PTPN13: variants seen among roughly 807,000 people sequenced by gnomAD.
The protein encoded by PTPN13 is protein tyrosine phosphatase non-receptor type 13, also known as tyrosine-protein phosphatase non-receptor type 13.
Under a neutral mutation model 284.0 loss-of-function variants are expected in PTPN13, and 191 were observed. That is an observed-to-expected ratio of 0.67 (90% CI 0.60 to 0.76). The LOEUF (loss-of-function observed/expected upper bound fraction) is 0.76, where lower values mean the gene tolerates loss of function less well. Among genes scored for constraint, PTPN13 ranks in the 30% least tolerant of loss-of-function variants. PTPN13 has a pLI of 0.00. For missense variants in PTPN13, 2,797 were observed against 2,939.9 expected, an observed-to-expected ratio of 0.95 and a Z score of 1.12; for synonymous variants, 986 against 1,022.3, an observed-to-expected ratio of 0.96 and a Z score of 0.68.
chr4:86,595,719 C>T (rs192582120), intron 1 of PTPN13: 3 of 985,568 alleles, frequency 3.0e-6, no homozygotes, highest in East Asian at 1.1e-4. Flanking sequence ...ATGGGGCAAT[C>T]GGGTTTGTTT....
At chr4:86,699,386 C>T (rs570907055) in intron 6 of PTPN13, among the ~76,000 whole-genome samples, 1 of 151,562 alleles carries the variant, frequency 6.6e-6, no homozygotes, top group Non-Finnish European at 1.5e-5. Flanking sequence ...ACTCTATCCC[C>T]CCTCCAAAAA....
chr4:86,681,642 T>C (rs1057182936), intron 3 of PTPN13, among the ~76,000 whole-genome samples: 3 of 152,140 alleles, frequency 2.0e-5, no homozygotes, highest in Non-Finnish European at 2.9e-5. Context: ...ATGTATATAA[T>C]GTAGGCCGGG....
At chr4:86,749,669 G>C (rs771655308) in intron 17 of PTPN13, among the ~76,000 whole-genome samples, 2 of 152,132 alleles carry the variant, frequency 1.3e-5, no homozygotes, top group Non-Finnish European at 2.9e-5. Flanking sequence ...GCCTCTATAA[G>C]AGAACTTTGG....
Position 86,623,232 on chromosome 4 carries a change from A to G in PTPN13, c.-5-12020A>G, listed in dbSNP as rs149799957. Among the ~76,000 whole-genome samples the G allele has an allele frequency of 1.6e-4, 25 of 152,256 alleles. 1 individual carries two copies. In the East Asian group the frequency reaches 4.8e-3, roughly 29 times the overall value. ...GGTATGCAGTTCTGATGTCCAAGGC[A>G]GTGGAAGAAAAGTTTGTTCCAGTTC... On this transcript the variant is annotated intron_variant, in intron 1 of 47. Coordinates refer to ENST00000411767, the MANE Select transcript of PTPN13 (RefSeq NM_080683.3).
intron 2 of PTPN13, among the ~76,000 whole-genome samples, chr4:86,652,935 A>G (rs1383166264): frequency 6.7e-6 from 1 of 150,312 alleles, no homozygotes; most frequent in Non-Finnish European, 1.5e-5. Context: ...ATTCTTTTTT[A>G]TTCTTTCTTA....
Position 86,755,195 on chromosome 4 carries a change from C to T in PTPN13, c.3223+2130C>T, listed in dbSNP as rs150474953. Among the ~76,000 whole-genome samples the T allele has an allele frequency of 1.6e-4, 25 of 151,958 alleles. No individual in the cohort carries two copies. In the South Asian group the frequency reaches 4.2e-3, roughly 25 times the overall value. ...AGAACAAGGATGAATGTATTATATTCGCTCTTACCTTTTATGGCCTCCAGA... is the reference window on the plus strand; with the variant it reads ...AGAACAAGGATGAATGTATTATATTTGCTCTTACCTTTTATGGCCTCCAGA... On this transcript the variant is annotated intron_variant, in intron 20 of 47. Transcript: ENST00000411767.
At position 86,780,396 on chromosome 4, in the gene PTPN13, A is replaced by G; in HGVS notation, c.5892-6A>G. 6.2e-7 allele frequency: 1 copy of G among 1,604,950 alleles called. No individual in the cohort carries two copies. Among genetic ancestry groups the G allele is most frequent in the Non-Finnish European group, 8.5e-7 (1 of 1,175,130 alleles). On this transcript the variant is annotated splice_region_variant and splice_polypyrimidine_tract_variant and intron_variant, in intron 35 of 47. Transcript: ENST00000411767. ...CAATTTACAGTTGTCTTTTTTTACA[A>G]CACAGAAATGATCTTCCAGTGGTCC...
chr4:86,636,727 A>G (rs1443454875), intron 2 of PTPN13, among the ~76,000 whole-genome samples: 2 of 152,194 alleles, frequency 1.3e-5, no homozygotes, highest in Non-Finnish European at 2.9e-5. Flanking sequence ...AGAAAGCAGG[A>G]AAGATCCAAA....
At chr4:86,630,105 C>A (rs1453090397) in intron 1 of PTPN13, among the ~76,000 whole-genome samples, 1 of 152,030 alleles carries the variant, frequency 6.6e-6, no homozygotes, top group Non-Finnish European at 1.5e-5. Flanking sequence ...ATTATTTTTT[C>A]TATTTATACA....
intron 2 of PTPN13, among the ~76,000 whole-genome samples, chr4:86,664,082 A>G (rs1726802967): frequency 6.6e-6 from 1 of 152,154 alleles, no homozygotes. Context: ...AATCTCCAGG[A>G]AACTTTTTAA....
chr4:86,629,283 C>T (rs1018206704), intron 1 of PTPN13, among the ~76,000 whole-genome samples: 25 of 147,290 alleles, frequency 1.7e-4, no homozygotes, highest in African/African-American at 5.8e-4. Flanking sequence ...AAAAAGTGGG[C>T]GAAGGACATG....
At chr4:86,615,281 C>T (rs751282417) in intron 1 of PTPN13, among the ~76,000 whole-genome samples, 11 of 152,034 alleles carry the variant, frequency 7.2e-5, no homozygotes, top group Non-Finnish European at 1.2e-4. Flanking sequence ...CTAATAAAAC[C>T]TGACAAGTCA....
chr4:86,662,120 A>G (rs2148853493), intron 2 of PTPN13, among the ~76,000 whole-genome samples: 1 of 152,308 alleles, frequency 6.6e-6, no homozygotes, highest in South Asian at 2.1e-4. Context: ...TGTAAAATCT[A>G]CAGAGGCTTA....
chr4:86,681,095 A>G (rs567462888), intron 3 of PTPN13, among the ~76,000 whole-genome samples: 2 of 152,208 alleles, frequency 1.3e-5, no homozygotes, highest in Non-Finnish European at 2.9e-5. Flanking sequence ...CAGAATATTA[A>G]GAGCAGAGAG....
chr4:86,796,975 A>G (rs780815339), intron 41 of PTPN13, 46 bp downstream of exon 41: 9 of 1,116,488 alleles, frequency 8.1e-6, no homozygotes, highest in Non-Finnish European at 1.2e-5. Flanking sequence ...CTGTCTATCT[A>G]TAAATGCTCT....
At chr4:86,704,239 C>T (rs112647821) in intron 7 of PTPN13, among the ~76,000 whole-genome samples, 1 of 152,080 alleles carries the variant, frequency 6.6e-6, no homozygotes, top group African/African-American at 2.4e-5. Context: ...AGTTTCAAAA[C>T]ATTACTTGTC....
intron 40 of PTPN13, among the ~76,000 whole-genome samples, chr4:86,794,881 G>A (rs1040112992): frequency 5.9e-5 from 9 of 151,956 alleles, no homozygotes; most frequent in South Asian, 2.1e-4. Flanking sequence ...TGCTTATGCC[G>A]TATACAAAAA....
At chr4:86,666,226 A>C (rs1727056808) in intron 2 of PTPN13, among the ~76,000 whole-genome samples, 3 of 152,194 alleles carry the variant, frequency 2.0e-5, no homozygotes, top group Admixed American at 6.5e-5. Flanking sequence ...AGCTACTATA[A>C]AAAGAATGAA....
At chr4:86,618,060 G>A (rs2148651917) in intron 1 of PTPN13, among the ~76,000 whole-genome samples, 1 of 152,176 alleles carries the variant, frequency 6.6e-6, no homozygotes, top group Non-Finnish European at 1.5e-5. Flanking sequence ...ATGGTTTTAG[G>A]TCTAACGTTT....
Sources: allele counts gnomAD v4.1 joint callset (sites outside exome capture counted in the v4.1 genomes callset), GRCh38; gene constraint gnomAD v4.1.1; transcripts MANE v1.5; gene names NCBI Gene and HGNC (gene_info 2026-07-23, HGNC 2026-07-21).